Variants in SORBS2 observed in about 807,000 individuals in gnomAD.
SORBS2 encodes sorbin and SH3 domain-containing protein 2.
A neutral mutation model predicts 97.7 loss-of-function variants in SORBS2; 46 were observed. The ratio of observed to expected loss-of-function variants is 0.47; its 90% confidence interval spans 0.37 to 0.60. SORBS2 has a LOEUF of 0.60. SORBS2 is among the 20% of genes least tolerant of loss of function. The probability of loss-of-function intolerance (pLI) is 0.00; values close to 1 mark genes in which losing one functional copy is unlikely to be tolerated. For synonymous variants in SORBS2, 476 were observed against 473.4 expected (o/e 1.01, Z -0.07); for missense variants, 1,316 against 1,282.3 (o/e 1.03, Z -0.40).
Position 185,812,010 on chromosome 4 carries a change from C to T in SORBS2, c.-337-36644G>A, listed in dbSNP as rs1044199. ...CTGCTGCCTGATAGCAGATATGCAG[C>T]ATTATCACTCTGCATTCCACATTCT... On this transcript the variant is annotated intron_variant, in intron 1 of 20. The change abolishes an upstream ATG in the 5' untranslated region. Coordinates refer to the SORBS2 transcript ENST00000284776. The T allele has an allele frequency of 2.6e-5, 4 of 152,240 alleles. No individual in the cohort carries two copies. The highest frequency in any genetic ancestry group is 1.3e-4 in the Admixed American group (2 of 15,284). The allele number at this position is 152,240 out of a possible 1,614,324, so 9.4% of individuals were successfully genotyped here.
exon 4 of SORBS2, chr4:185,646,718 T>C: frequency 6.2e-7 from 1 of 1,614,050 alleles, no homozygotes; most frequent in Non-Finnish European, 8.5e-7. Context: ...TATTCAAAAA[T>C]ACTCCTTGGC....
At chr4:185,698,425 G>A (rs73013694) in intron 2 of SORBS2, among the ~76,000 whole-genome samples, 8,065 of 152,102 alleles carry the variant, frequency 0.053, 741 homozygotes, top group African/African-American at 0.18. Flanking sequence ...GCAGTGAGTC[G>A]AAGGTTGCAG....
chr4:185,880,883 G>A (rs758338605), intron 1 of SORBS2, among the ~76,000 whole-genome samples: 37 of 152,306 alleles, frequency 2.4e-4, no homozygotes, highest in Non-Finnish European at 5.3e-4. Context: ...AGTATTGTCT[G>A]TGGTAGGCAT....
At chr4:185,771,709 T>C (rs2098972594) in intron 2 of SORBS2, 1 of 152,256 alleles carries the variant, frequency 6.6e-6, no homozygotes, top group Non-Finnish European at 1.5e-5. Context: ...TTTAATTTTA[T>C]AATAAATCTA....
In SORBS2 at chr4:185,587,545, C is replaced by T. The variant is rs917455168; in HGVS notation, c.*82G>A. ...CATTGGAAACCGTAAGGCATGACAA[C>T]GGGAGGCCCGCGGGGTGTTTCAGGC... is the stretch of plus-strand genomic sequence containing the variant. On this transcript the variant is annotated 3_prime_UTR_variant, in exon 15 of 15. Transcript: ENST00000418609. The T allele has an allele frequency of 8.0e-6, 10 of 1,244,108 alleles. No homozygotes were observed. In the African/African-American group the frequency reaches 1.0e-4, roughly 13 times the overall value. The allele number at this position is 1,244,108 out of a possible 1,614,324, so 77.1% of individuals were successfully genotyped here. A position where few individuals can be genotyped will look rare whatever the true frequency, so the allele number is the denominator to read the frequency against.
chr4:185,614,856 G>T, exon 11 of SORBS2: 1 of 1,614,170 alleles, frequency 6.2e-7, no homozygotes, highest in Non-Finnish European at 8.5e-7. Flanking sequence ...CTCCACATTT[G>T]TGTCTGCGTT....
intron 1 of SORBS2, among the ~76,000 whole-genome samples, chr4:185,876,327 C>T (rs1355604502): frequency 2.0e-5 from 3 of 152,112 alleles, no homozygotes; most frequent in Non-Finnish European, 4.4e-5. Context: ...AGGCTGATCT[C>T]GAGCTCCTGA....
At chr4:185,674,431 T>C (rs1297669614) in intron 4 of SORBS2, among the ~76,000 whole-genome samples, 14 of 152,182 alleles carry the variant, frequency 9.2e-5, no homozygotes, top group Admixed American at 9.2e-4. Context: ...AGCCCCATCA[T>C]TTCTTACCTA....
Position 185,617,815 on chromosome 4 carries a change from C to T in SORBS2, c.2351+770G>A, listed in dbSNP as rs76388482. 5.3e-5 allele frequency among the ~76,000 whole-genome samples: 8 copies of T among 152,304 alleles called. No homozygotes were observed. The East Asian group carries it at 1.3e-3, about 26-fold the overall frequency. ...AAGGAGAAAACTTTGCTCAGAATCT[C>T]TGAGCTTTGCAGGCTGAGGATGGAG... On this transcript the variant is annotated intron_variant, in intron 9 of 14. Transcript: ENST00000418609.
intron 1 of SORBS2, among the ~76,000 whole-genome samples, chr4:185,873,240 G>A (rs1036757352): frequency 1.3e-5 from 2 of 152,104 alleles, no homozygotes; most frequent in Non-Finnish European, 1.5e-5. Context: ...AATCTTTTCT[G>A]ACACACCGTT....
At chr4:185,715,770 A>G (rs2153554068) in intron 2 of SORBS2, among the ~76,000 whole-genome samples, 1 of 152,342 alleles carries the variant, frequency 6.6e-6, no homozygotes, top group East Asian at 1.9e-4. Flanking sequence ...TCCTCCCTCG[A>G]CTACAAGTGG....
chr4:185,587,890 C>G, intron 14 of SORBS2: 1 of 520,550 alleles, frequency 1.9e-6, no homozygotes, highest in South Asian at 2.5e-5. Flanking sequence ...CACTGCCCCT[C>G]CGGCATAAAT....
intron 2 of SORBS2, chr4:185,771,562 C>T (rs920274689): frequency 6.6e-6 from 1 of 152,206 alleles, no homozygotes; most frequent in Non-Finnish European, 1.5e-5. Flanking sequence ...TGTGTTATTG[C>T]TAGCTTTTCC....
chr4:185,646,070 A>G (rs888360222), intron 4 of SORBS2: 3 of 152,212 alleles, frequency 2.0e-5, no homozygotes, highest in Non-Finnish European at 4.4e-5. Context: ...AGGCTTGGTA[A>G]CCTGAGGAGG....
intron 1 of SORBS2, among the ~76,000 whole-genome samples, chr4:185,898,703 T>C (rs1268511456): frequency 6.6e-6 from 1 of 152,162 alleles, no homozygotes; most frequent in Non-Finnish European, 1.5e-5. Flanking sequence ...AGAAATAAAA[T>C]GCAGAGTGGT....
intron 1 of SORBS2, among the ~76,000 whole-genome samples, chr4:185,887,960 ATGTGTGTG>A (rs60130240): frequency 2.6e-5 from 1 of 38,458 alleles, no homozygotes; most frequent in Non-Finnish European, 8.3e-5. Flanking sequence ...GTATATATAT[ATGTGTGTG>A]TGTGTGTGTG....
intron 1 of SORBS2, among the ~76,000 whole-genome samples, chr4:185,932,256 A>T (rs190228938): frequency 6.6e-6 from 1 of 151,644 alleles, no homozygotes; most frequent in Non-Finnish European, 1.5e-5. Context: ...CAGTGGAGGG[A>T]AAAAAGGATG....
intron 2 of SORBS2, among the ~76,000 whole-genome samples, chr4:185,730,813 C>A (rs933142289): frequency 6.6e-6 from 1 of 152,222 alleles, no homozygotes; most frequent in East Asian, 1.9e-4. Context: ...CATCCAGGTA[C>A]CTGGCTGCCT....
At chr4:185,813,448 C>T (rs2099190345) in intron 1 of SORBS2, among the ~76,000 whole-genome samples, 2 of 152,192 alleles carry the variant, frequency 1.3e-5, no homozygotes, top group South Asian at 4.1e-4. Flanking sequence ...TGGCGCTTTC[C>T]TGCTTGGGAG....
Sources: gnomAD v4.1 joint callset for allele counts (sites outside exome capture counted in the v4.1 genomes callset) on GRCh38, gnomAD v4.1.1 for gene constraint, MANE v1.5 for transcripts, NCBI Gene and HGNC (gene_info 2026-07-23, HGNC 2026-07-21) for gene names.